The following RPL27 variants were observed in gnomAD, a reference collection of about 807,000 sequenced individuals.
RPL27 encodes large ribosomal subunit protein eL27.
For synonymous variants in RPL27, 77 were observed against 61.0 expected (o/e 1.26, Z -1.22); for missense variants, 131 against 174.3 (o/e 0.75, Z 1.40).
Position 42,999,980 on chromosome 17 carries a change from G to C in RPL27, c.129G>C (p.Val43=). Residue 43 remains valine, a synonymous_variant, in exon 3 of 5, where the codon GTG becomes GTC. Coordinates refer to ENST00000253788, the MANE Select transcript of RPL27 (RefSeq NM_000988.5). ...ATCGCCCCTACAGCCATGCTCTGGT[G>C]GCTGGAATTGACCGCTACCCCCGCA... is the stretch of plus-strand genomic sequence containing the variant. ...TSDRPYSHAL[V]AGIDRYPRKV... 1 of 1,612,258 alleles carries C rather than the reference G, an allele frequency of 6.2e-7. No individual in the cohort carries two copies. Among genetic ancestry groups the C allele is most frequent in the Non-Finnish European group, 8.5e-7 (1 of 1,179,922 alleles).
In RPL27 at chr17:42,999,917, ATTC is replaced by A. The variant is rs1487678923; in HGVS notation, c.82-13_82-11del. The A allele has an allele frequency of 1.9e-6, 3 of 1,605,288 alleles. No individual in the cohort carries two copies. The highest frequency in any genetic ancestry group is 2.6e-6 in the Non-Finnish European group (3 of 1,174,248). On this transcript the variant is annotated splice_polypyrimidine_tract_variant and intron_variant, in intron 2 of 4. Coordinates refer to ENST00000253788, the MANE Select transcript of RPL27 (RefSeq NM_000988.5). ...AGGCCCTCAGTGAATAACAAATGTA[ATTC>A]TTACTCATTTAGAACATTGATGATG... is the stretch of plus-strand genomic sequence containing the variant.
rs766933649 is a variant in RPL27 at position 42,998,813 on chromosome 17, C to T, written c.63C>T (p.Arg21=). Residue 21 remains arginine (R), a synonymous_variant, in exon 2 of 5, where the codon CGC becomes CGT. Coordinates refer to ENST00000253788, the MANE Select transcript of RPL27 (RefSeq NM_000988.5). ...VLVLAGRYSG[R]KAVIVKNIDD... ...TCCTGGCTGGACGCTACTCCGGACG[C>T]AAAGCTGTCATCGTGAAGGTATCAG... 3 of 1,613,774 alleles carry T rather than the reference C, an allele frequency of 1.9e-6. No individual in the cohort carries two copies. In the African/African-American group the frequency reaches 4.0e-5, roughly 22 times the overall value.
chr17:43,002,405 G>T (rs1280433616), intron 3 of RPL27, among the ~76,000 whole-genome samples: 1 of 152,030 alleles, frequency 6.6e-6, no homozygotes, highest in African/African-American at 2.4e-5. Flanking sequence ...TACTCGGGAG[G>T]CTGAGGCAGG....
At chr17:43,001,131 C>T (rs914441635) in intron 3 of RPL27, among the ~76,000 whole-genome samples, 1 of 147,464 alleles carries the variant, frequency 6.8e-6, no homozygotes, top group Admixed American at 6.7e-5. Flanking sequence ...ATCACAGGGT[C>T]AGGAGATCGA....
At position 43,002,665 on chromosome 17, in the gene RPL27, GT is replaced by G; in HGVS notation, c.252-7del. 2.6e-6 allele frequency: 4 copies of G among 1,564,362 alleles called. No individual in the cohort carries two copies. The highest frequency in any genetic ancestry group is 3.5e-6 in the Non-Finnish European group (4 of 1,135,078). ...GGGCTAATCCTGCCTCTCCACCTTT[GT>G]CCCCAGGTACTCTGTGGATATCCCC... is the stretch of plus-strand genomic sequence containing the variant. On this transcript the variant is annotated splice_region_variant and splice_polypyrimidine_tract_variant and intron_variant, in intron 3 of 4. Coordinates refer to ENST00000253788, the MANE Select transcript of RPL27 (RefSeq NM_000988.5).
At chr17:42,999,205 T>C in intron 2 of RPL27, 1 of 203,326 alleles carries the variant, frequency 4.9e-6, no homozygotes, top group South Asian at 6.0e-5. Context: ...CTGTCCAGGC[T>C]AAGTGCAGTG....
intron 2 of RPL27, 125 bp downstream of exon 2, chr17:42,998,956 C>G: frequency 1.4e-6 from 1 of 723,854 alleles, no homozygotes; most frequent in Non-Finnish European, 2.4e-6. Context: ...TCAGGGTGAA[C>G]GTGGGAGAGT....
chr17:43,002,864 C>T lies in RPL27; in HGVS notation c.363-8C>T, dbSNP rs114695605. 7.5e-5 allele frequency: 121 copies of T among 1,613,444 alleles called. 1 individual carries two copies. In the African/African-American group the frequency reaches 1.4e-3, roughly 19 times the overall value. ...TCCTCATTGGTGTCCTCTTTTTTTC[C>T]CTTCTAGATACAAGACAGGCAAGAA... On this transcript the variant is annotated splice_polypyrimidine_tract_variant and splice_region_variant and intron_variant, in intron 4 of 4. Transcript: ENST00000253788.
rs1303739710 is a variant in RPL27, at chr17:42,998,461, G to A, written c.-13G>A. 2 of 301,866 alleles carry A rather than the reference G, an allele frequency of 6.6e-6. No homozygotes were observed. The highest frequency in any genetic ancestry group is 1.3e-5 in the Non-Finnish European group (2 of 158,650). 18.7% of individuals were successfully genotyped at this position (301,866 alleles called of 1,614,324 possible). Reference sequence around the variant, plus strand: ...TTCCTTTTTGCTGGTAGGGCCGGGTGGTTGCTGCCGGTAAGTAGAAGCTTG... The same window carrying A: ...TTCCTTTTTGCTGGTAGGGCCGGGTAGTTGCTGCCGGTAAGTAGAAGCTTG... On this transcript the variant is annotated 5_prime_UTR_variant, in exon 1 of 5. Coordinates refer to ENST00000253788, the MANE Select transcript of RPL27 (RefSeq NM_000988.5).
chr17:42,998,729 T>C lies in RPL27; in HGVS notation c.-2-20T>C. ...GGCTTTACGGATTTTTAAGTGGCCC[T>C]TTCTCCTTGCTCTCTGCAGAAATGG... On this transcript the variant is annotated intron_variant, in intron 1 of 4. Coordinates refer to ENST00000253788, the MANE Select transcript of RPL27 (RefSeq NM_000988.5). The C allele has an allele frequency of 6.2e-7, 1 of 1,604,206 alleles. No individual in the cohort carries two copies. Among genetic ancestry groups the C allele is most frequent in the African/African-American group, 1.3e-5 (1 of 74,792 alleles).
chr17:43,001,063 G>T (rs557003502), intron 3 of RPL27, among the ~76,000 whole-genome samples: 2 of 152,056 alleles, frequency 1.3e-5, no homozygotes, highest in African/African-American at 4.8e-5. Flanking sequence ...GAGGTGCAAG[G>T]CCGGGCACAG....
chr17:43,001,140 G>A (rs947206597), intron 3 of RPL27, among the ~76,000 whole-genome samples: 11 of 148,988 alleles, frequency 7.4e-5, no homozygotes, highest in African/African-American at 1.7e-4. Context: ...TCAGGAGATC[G>A]AGACCGCACT....
chr17:43,001,215 A>G (rs1291215958), intron 3 of RPL27, among the ~76,000 whole-genome samples: 2 of 152,036 alleles, frequency 1.3e-5, no homozygotes, highest in African/African-American at 4.8e-5. Flanking sequence ...CTGCACCTCC[A>G]GCAAAAGAGG....
At position 43,002,741 on chromosome 17, in the gene RPL27, A is replaced by G; in HGVS notation, c.320A>G (p.Lys107Arg). 1 of 1,613,836 alleles carries G rather than the reference A, an allele frequency of 6.2e-7. No individual in the cohort carries two copies. The highest frequency in any genetic ancestry group is 8.5e-7 in the Non-Finnish European group (1 of 1,179,874). The change falls in exon 4 of 5, where the codon AAA (lysine) becomes AGA (arginine). Residue 107 changes from lysine to arginine, a missense_variant. Coordinates refer to ENST00000253788, the MANE Select transcript of RPL27 (RefSeq NM_000988.5). ...GATGTCTTCAGAGATCCTGCTCTTA[A>G]ACGCAAGGCCCGACGGGAGGCCAAG... Reference protein sequence around the residue: ...NKDVFRDPALKRKARREAKVK... With the variant: ...NKDVFRDPALRRKARREAKVK...
At chr17:42,998,852 T>C (rs758401061) in intron 2 of RPL27, 21 bp downstream of exon 2, 4 of 1,605,260 alleles carry the variant, frequency 2.5e-6, no homozygotes, top group Non-Finnish European at 3.4e-6. Context: ...CGCGGGACTC[T>C]GCGTCCTTGC....
At chr17:43,002,643 C>A in intron 3 of RPL27, 30 bp from the exon 4 acceptor site, 1 of 1,420,940 alleles carries the variant, frequency 7.0e-7, no homozygotes, top group Non-Finnish European at 9.9e-7. Context: ...AGTATGTGGG[C>A]TAATCCTGCC....
At chr17:43,000,529 G>A (rs2050349409) in intron 3 of RPL27, among the ~76,000 whole-genome samples, 4 of 149,544 alleles carry the variant, frequency 2.7e-5, no homozygotes, top group Non-Finnish European at 3.0e-5. Flanking sequence ...GTGCAGTGGC[G>A]GGATCTCACA....
At chr17:42,998,719 T>A in intron 1 of RPL27, 30 bp from the exon 2 acceptor site, 1 of 1,571,230 alleles carries the variant, frequency 6.4e-7, no homozygotes, top group Non-Finnish European at 8.8e-7. Context: ...TACGGATTTT[T>A]AAGTGGCCCT....
At position 42,998,544 on chromosome 17, in the gene RPL27, G is replaced by A. The variant is rs2050324050; in HGVS notation, c.-3+73G>A. Reference sequence around the variant, plus strand: ...CTTGGGGGTCGAAGGTCCGGGCGGCGCCGGGTGCATTCCTTCCCTAGGTCT... The same window carrying A: ...CTTGGGGGTCGAAGGTCCGGGCGGCACCGGGTGCATTCCTTCCCTAGGTCT... On this transcript the variant is annotated intron_variant, in intron 1 of 4. Transcript: ENST00000253788. 5 of 455,114 alleles carry A rather than the reference G, an allele frequency of 1.1e-5. No individual in the cohort carries two copies. In the East Asian group the frequency reaches 1.2e-4, roughly 11 times the overall value. The allele number at this position is 455,114 out of a possible 1,614,324, so 28.2% of individuals were successfully genotyped here. A position where few individuals can be genotyped will look rare whatever the true frequency, so the allele number is the denominator to read the frequency against.
Sources: allele counts gnomAD v4.1 joint callset (sites outside exome capture counted in the v4.1 genomes callset), GRCh38; gene constraint gnomAD v4.1.1; transcripts MANE v1.5; gene names NCBI Gene and HGNC (gene_info 2026-07-23, HGNC 2026-07-21).